DLGAP2: variants seen among roughly 807,000 people sequenced by gnomAD.
DLGAP2 encodes disks large-associated protein 2.
A neutral mutation model predicts 100.3 loss-of-function variants in DLGAP2; 26 were observed. The observed-to-expected ratio is 0.26, with a 90% CI of 0.19 to 0.36. The LOEUF is 0.36. Ranked by LOEUF, DLGAP2 falls within the 10% of genes least tolerant of loss-of-function variation. The probability of loss-of-function intolerance (pLI) is 1.00; values close to 1 mark genes in which losing one functional copy is unlikely to be tolerated. For missense variants in DLGAP2, 1,858 were observed against 1,453.2 expected (o/e 1.28, Z -4.53); for synonymous variants, 886 against 630.1 (o/e 1.41, Z -6.08).
rs542194072 is a variant in DLGAP2, at chr8:1,436,157, C to T, written c.107-65209C>T. Among the ~76,000 whole-genome samples the T allele has an allele frequency of 2.0e-5, 3 of 152,270 alleles. No individual in the cohort carries two copies. The East Asian group carries it at 5.8e-4, about 29-fold the overall frequency. On this transcript the variant is annotated intron_variant, in intron 3 of 14. Transcript: ENST00000637795. ...CACAAGGTGAACTCCCACCACAAGC[C>T]GTCTGCAAGCTGAGGAACCAGGAAG... is the stretch of plus-strand genomic sequence containing the variant.
rs116291703 is a variant in DLGAP2, at chr8:1,227,243, G to A, written c.74-31608G>A. 4.8e-3 allele frequency among the ~76,000 whole-genome samples: 656 copies of A among 136,142 alleles called. 7 individuals are homozygous for A. The highest frequency in any genetic ancestry group is 0.021 in the African/African-American group (637 of 30,040). 89.3% of individuals were successfully genotyped at this position (136,142 alleles called of 152,430 possible). The stretch of plus-strand genomic sequence containing the variant: ...TATATTTGTTTTATACACACACACA[G>A]AATGGGATATTATTCAGCCTTATAA... On this transcript the variant is annotated intron_variant, in intron 2 of 14. Coordinates refer to ENST00000637795, the MANE Select transcript of DLGAP2 (RefSeq NM_001346810.2).
At chr8:747,087 G>C (rs1381586398) in intron 1 of DLGAP2, among the ~76,000 whole-genome samples, 3 of 152,002 alleles carry the variant, frequency 2.0e-5, no homozygotes, top group African/African-American at 7.2e-5. Context: ...GAGCTGTCCT[G>C]GTTCTCGGGG....
At chr8:1,547,217 C>T (rs549607351) in intron 4 of DLGAP2, among the ~76,000 whole-genome samples, 4 of 152,264 alleles carry the variant, frequency 2.6e-5, no homozygotes, top group South Asian at 2.1e-4. Flanking sequence ...AGAGCTTGGA[C>T]GTCTGGTCTG....
intron 1 of DLGAP2, among the ~76,000 whole-genome samples, chr8:782,906 T>A (rs142396962): frequency 2.6e-4 from 40 of 152,262 alleles, no homozygotes; most frequent in African/African-American, 9.1e-4. Context: ...CAAATCACAA[T>A]ACTCTGTTAG....
rs1332362797 is a variant in DLGAP2, at chr8:1,570,217, C to T, written c.1442+4323C>T. 2.6e-5 allele frequency among the ~76,000 whole-genome samples: 4 copies of T among 152,348 alleles called. No homozygotes were observed. The South Asian group carries it at 6.2e-4, about 24-fold the overall frequency. On this transcript the variant is annotated intron_variant, in intron 6 of 14. Transcript: ENST00000637795. The stretch of plus-strand genomic sequence containing the variant: ...GGGGAGGCACATACACATCCATGTG[C>T]CGTCTTCATTCTGCTGGCCTCCAGG...
Position 1,702,182 on chromosome 8 carries a change from A to T in DLGAP2, c.*776A>T, listed in dbSNP as rs1799592481. 1 of 152,214 alleles carries T rather than the reference A, an allele frequency of 6.6e-6. No homozygotes were observed. The allele number at this position is 152,214 out of a possible 1,614,324, so 9.4% of individuals were successfully genotyped here. On this transcript the variant is annotated 3_prime_UTR_variant, in exon 15 of 15. Transcript: ENST00000637795. ...AGTCTTACGGAGGGCTGGGAGCTTA[A>T]AAGGAAAACAATGTCCTTACTTGTA... is the stretch of plus-strand genomic sequence containing the variant.
At chr8:1,392,879 T>G (rs1428698059) in intron 3 of DLGAP2, among the ~76,000 whole-genome samples, 1 of 144,850 alleles carries the variant, frequency 6.9e-6, no homozygotes, top group Admixed American at 6.9e-5. Flanking sequence ...TTGTTAAATG[T>G]GACGTTTCTG....
intron 3 of DLGAP2, among the ~76,000 whole-genome samples, chr8:1,357,747 G>A (rs949614617): frequency 6.6e-5 from 10 of 152,314 alleles, no homozygotes; most frequent in South Asian, 2.1e-4. Flanking sequence ...TCCAGCAAGC[G>A]CTGTGTTCTG....
At chr8:1,230,189 C>T (rs1439675463) in intron 2 of DLGAP2, among the ~76,000 whole-genome samples, 2 of 152,098 alleles carry the variant, frequency 1.3e-5, no homozygotes, top group African/African-American at 4.8e-5. Context: ...AATCAATGTA[C>T]AAAAATCAGT....
At chr8:1,347,128 A>G (rs1275160992) in intron 3 of DLGAP2, among the ~76,000 whole-genome samples, 3 of 150,664 alleles carry the variant, frequency 2.0e-5, no homozygotes, top group East Asian at 2.0e-4. Context: ...ACAGAGCTGC[A>G]TTGCTCTCAT....
At chr8:949,466 T>C (rs1584916329) in intron 2 of DLGAP2, among the ~76,000 whole-genome samples, 1 of 152,134 alleles carries the variant, frequency 6.6e-6, no homozygotes, top group South Asian at 2.1e-4. Flanking sequence ...AGAGGAGCCC[T>C]GGGCTTCCGG....
In DLGAP2 at chr8:1,171,492, C is replaced by A. The variant is rs374227509; in HGVS notation, c.74-87359C>A. ...AATGGTGACAGTGGGGTATTAAAGT[C>A]TCCCATTATTAATGTGTGGGAGTCT... On this transcript the variant is annotated intron_variant, in intron 2 of 14. Transcript: ENST00000637795. Among the ~76,000 whole-genome samples the A allele has an allele frequency of 6.6e-5, 10 of 151,908 alleles. No individual in the cohort carries two copies. In the East Asian group the frequency reaches 1.9e-3, roughly 29 times the overall value.
intron 4 of DLGAP2, among the ~76,000 whole-genome samples, chr8:1,509,407 A>AT (rs1190146002): frequency 1.3e-5 from 2 of 151,896 alleles, no homozygotes; most frequent in African/African-American, 2.4e-5. Context: ...CTAATGAAAC[A>AT]TTTTTTGGGT....
intron 3 of DLGAP2, among the ~76,000 whole-genome samples, chr8:1,443,093 A>G (rs139263413): frequency 1.3e-5 from 2 of 152,322 alleles, no homozygotes; most frequent in East Asian, 3.9e-4. Context: ...AATACTGCAA[A>G]TACATGGAAA....
chr8:1,260,306 CCCCT>C (rs1799320083), intron 3 of DLGAP2, among the ~76,000 whole-genome samples: 1 of 152,004 alleles, frequency 6.6e-6, no homozygotes, highest in Admixed American at 6.6e-5. Flanking sequence ...TTTCCCCCAA[CCCCT>C]CACCGAGAGT....
chr8:1,049,615 A>G (rs1276806075), intron 2 of DLGAP2, among the ~76,000 whole-genome samples: 1 of 152,160 alleles, frequency 6.6e-6, no homozygotes, highest in Non-Finnish European at 1.5e-5. Context: ...TGAAATAACC[A>G]CTATTGACAG....
intron 2 of DLGAP2, among the ~76,000 whole-genome samples, chr8:1,080,370 G>C (rs1031156360): frequency 6.6e-6 from 1 of 152,212 alleles, no homozygotes; most frequent in African/African-American, 2.4e-5. Flanking sequence ...CGTCTCTTTA[G>C]TGCCCTCACA....
intron 2 of DLGAP2, among the ~76,000 whole-genome samples, chr8:1,133,094 C>T (rs189506067): frequency 1.3e-4 from 20 of 152,266 alleles, no homozygotes; most frequent in African/African-American, 4.6e-4. Flanking sequence ...AGTTTCCAGG[C>T]GTTCCTTTAG....
At chr8:1,646,437 A>T (rs186841144) in intron 8 of DLGAP2, among the ~76,000 whole-genome samples, 2 of 152,090 alleles carry the variant, frequency 1.3e-5, no homozygotes, top group East Asian at 3.9e-4. Flanking sequence ...CTATATCTCT[A>T]TCGTCTGTCC....
Sources: gnomAD v4.1 joint callset for allele counts (sites outside exome capture counted in the v4.1 genomes callset) on GRCh38, gnomAD v4.1.1 for gene constraint, MANE v1.5 for transcripts, NCBI Gene and HGNC (gene_info 2026-07-23, HGNC 2026-07-21) for gene names.